The following GKAP1 variants were observed in gnomAD, a reference collection of about 807,000 sequenced individuals.
The protein encoded by GKAP1 is G kinase-anchoring protein 1.
Under a neutral mutation model 56.7 loss-of-function variants are expected in GKAP1, and 31 were observed. The ratio of observed to expected loss-of-function variants is 0.55; its 90% CI spans 0.41 to 0.74. The LOEUF (loss-of-function observed/expected upper bound fraction) is 0.74. GKAP1 is among the 30% of genes least tolerant of loss of function. GKAP1 has a pLI of 0.00. For synonymous variants in GKAP1, 151 were observed against 138.6 expected, an observed-to-expected ratio of 1.09 and a Z score of -0.63; for missense variants, 364 against 402.3, an observed-to-expected ratio of 0.90 and a Z score of 0.82.
At position 83,773,647 on chromosome 9, in the gene GKAP1, A is replaced by T. The variant is rs1176751275; in HGVS notation, c.586-4677T>A. On this transcript the variant is annotated intron_variant, in intron 7 of 12. Coordinates refer to ENST00000376371, the MANE Select transcript of GKAP1 (RefSeq NM_025211.4). The stretch of plus-strand genomic sequence containing the variant: ...TCTCATCTTCGTGCCTCGACAAGGT[A>T]ACCATTACCTCAACTTAGTGTTGAT... Among the ~76,000 whole-genome samples, 4 of 152,314 alleles carry T rather than the reference A, an allele frequency of 2.6e-5. No homozygotes were observed. In the East Asian group the frequency reaches 7.7e-4, roughly 29 times the overall value.
At chr9:83,741,920 G>T in intron 12 of GKAP1, 32 bp downstream of exon 12, 2 of 1,332,342 alleles carry the variant, frequency 1.5e-6, no homozygotes, top group South Asian at 1.2e-5. Context: ...TATTATTTGT[G>T]ATAAAAACAC....
chr9:83,807,639 T>C (rs971284923), intron 2 of GKAP1, among the ~76,000 whole-genome samples: 15 of 152,242 alleles, frequency 9.9e-5, no homozygotes, highest in African/African-American at 3.6e-4. Context: ...AGTATCCTGA[T>C]TTTTGTATAA....
At chr9:83,786,883 CTT>C (rs1944073632) in intron 5 of GKAP1, among the ~76,000 whole-genome samples, 1 of 152,154 alleles carries the variant, frequency 6.6e-6, no homozygotes, top group South Asian at 2.1e-4. Context: ...ATCCTTCTAG[CTT>C]TAGAATCTAG....
At chr9:83,805,440 G>C (rs1223567582) in intron 3 of GKAP1, among the ~76,000 whole-genome samples, 1 of 147,818 alleles carries the variant, frequency 6.8e-6, no homozygotes, top group South Asian at 2.1e-4. Flanking sequence ...CCCCCTCTGC[G>C]AGAAACACCC....
intron 3 of GKAP1, among the ~76,000 whole-genome samples, chr9:83,803,532 G>T (rs1944369788): frequency 6.6e-6 from 1 of 152,250 alleles, no homozygotes; most frequent in Non-Finnish European, 1.5e-5. Context: ...CGGGATTGCA[G>T]ACGGAGTGTG....
rs185674491 is a variant in GKAP1, at chr9:83,750,095, T to A, written c.841-1723A>T. 4.3e-4 allele frequency among the ~76,000 whole-genome samples: 66 copies of A among 152,276 alleles called. No homozygotes were observed. In the East Asian group the frequency reaches 7.7e-3, roughly 18 times the overall value. ...AGCCTTTGTTCAAGGTCCAGATCAG[T>A]CTTCATGGAGGTACCTCTTATTCAA... On this transcript the variant is annotated intron_variant, in intron 9 of 12. Transcript: ENST00000376371.
chr9:83,788,742 TAC>T lies in GKAP1; in HGVS notation c.361-66_361-65del. ...TTACATCACATGAGCAAAATAACCA[TAC>T]ATATTACTATATACAGAGGAAAAGA... On this transcript the variant is annotated intron_variant, in intron 4 of 12. Coordinates refer to ENST00000376371, the MANE Select transcript of GKAP1 (RefSeq NM_025211.4). 3.2e-6 allele frequency: 3 copies of T among 926,180 alleles called. No individual in the cohort carries two copies. In the South Asian group the frequency reaches 4.1e-5, roughly 13 times the overall value. 57.4% of individuals were successfully genotyped at this position (926,180 alleles called of 1,614,324 possible). A position where few individuals can be genotyped will look rare whatever the true frequency, so the allele number is the denominator to read the frequency against.
At chr9:83,796,909 T>C (rs996276061) in intron 4 of GKAP1, among the ~76,000 whole-genome samples, 4 of 152,250 alleles carry the variant, frequency 2.6e-5, no homozygotes, top group African/African-American at 9.6e-5. Flanking sequence ...TTGATTTTTA[T>C]TAAAGCAAAA....
chr9:83,774,587 C>T (rs1943820272), intron 7 of GKAP1, among the ~76,000 whole-genome samples: 1 of 148,946 alleles, frequency 6.7e-6, no homozygotes, highest in African/African-American at 2.5e-5. Flanking sequence ...GAGCAAGACC[C>T]TGTCTCAAAA....
At chr9:83,790,642 A>C (rs563292159) in intron 4 of GKAP1, among the ~76,000 whole-genome samples, 67 of 132,106 alleles carry the variant, frequency 5.1e-4, no homozygotes, top group Admixed American at 1.3e-3. Context: ...AAAACAAAAC[A>C]AAAAAACAAA....
intron 8 of GKAP1, among the ~76,000 whole-genome samples, chr9:83,755,148 T>C (rs757200129): frequency 3.3e-5 from 5 of 152,202 alleles, no homozygotes; most frequent in Non-Finnish European, 4.4e-5. Flanking sequence ...CTTCTAGGAA[T>C]TTATCTCCAA....
intron 7 of GKAP1, among the ~76,000 whole-genome samples, chr9:83,779,610 TATACAC>T (rs1564201906): frequency 1.2e-5 from 1 of 84,216 alleles, no homozygotes; most frequent in African/African-American, 4.2e-5. Context: ...TATATACACA[TATACAC>T]ACACACACAC....
At chr9:83,811,134 A>G (rs1197805118) in intron 2 of GKAP1, among the ~76,000 whole-genome samples, 1 of 152,268 alleles carries the variant, frequency 6.6e-6, no homozygotes, top group East Asian at 1.9e-4. Flanking sequence ...TATTAGACTG[A>G]AATGTGCCAT....
intron 10 of GKAP1, among the ~76,000 whole-genome samples, chr9:83,745,850 G>C (rs998373167): frequency 8.6e-5 from 13 of 151,812 alleles, no homozygotes; most frequent in Admixed American, 7.9e-4. Context: ...GAGTGCAGTG[G>C]CATGATCTTG....
At chr9:83,778,788 T>A (rs1943904724) in intron 7 of GKAP1, among the ~76,000 whole-genome samples, 1 of 152,182 alleles carries the variant, frequency 6.6e-6, no homozygotes, top group Non-Finnish European at 1.5e-5. Context: ...TAAATCATAA[T>A]TAGACTGTAT....
chr9:83,798,428 A>C (rs1158662384), intron 4 of GKAP1, among the ~76,000 whole-genome samples: 3 of 152,242 alleles, frequency 2.0e-5, no homozygotes, highest in African/African-American at 7.2e-5. Context: ...GACATAGAAG[A>C]ACAAAATATC....
chr9:83,781,608 T>C (rs1452528918), intron 6 of GKAP1, among the ~76,000 whole-genome samples: 2 of 152,156 alleles, frequency 1.3e-5, no homozygotes, highest in African/African-American at 4.8e-5. Context: ...CAAATCTTGG[T>C]AAATTAGACA....
rs1031439217 is a variant in GKAP1 at position 83,795,156 on chromosome 9, CAAAAAAA to C, written c.360+4022_360+4028del. ...GGGCGACAAGAGCGAGACTCCATCTCAAAAAAAAAAAAAAAAAAAAAAAGTGAAAATT... is the reference window on the plus strand; with the variant it reads ...GGGCGACAAGAGCGAGACTCCATCTCAAAAAAAAAAAAAAAAGTGAAAATT... On this transcript the variant is annotated intron_variant, in intron 4 of 12. Coordinates refer to ENST00000376371, the MANE Select transcript of GKAP1 (RefSeq NM_025211.4). 1.1e-3 allele frequency among the ~76,000 whole-genome samples: 68 copies of C among 64,478 alleles called. No individual in the cohort carries two copies. The East Asian group carries it at 0.019, about 18-fold the overall frequency. 42.3% of individuals were successfully genotyped at this position (64,478 alleles called of 152,430 possible). A position where few individuals can be genotyped will look rare whatever the true frequency, so the allele number is the denominator to read the frequency against.
At chr9:83,816,666 A>G (rs979243876) in intron 2 of GKAP1, among the ~76,000 whole-genome samples, 9 of 152,254 alleles carry the variant, frequency 5.9e-5, no homozygotes, top group Non-Finnish European at 5.9e-5. Context: ...TACACAACAG[A>G]CAATGCTAAA....
Sources: allele counts gnomAD v4.1 joint callset (sites outside exome capture counted in the v4.1 genomes callset), GRCh38; gene constraint gnomAD v4.1.1; transcripts MANE v1.5; gene names NCBI Gene and HGNC (gene_info 2026-07-23, HGNC 2026-07-21).